Variants in SUGCT observed in about 807,000 individuals in gnomAD.
The protein encoded by SUGCT is succinyl-CoA:glutarate-CoA transferase.
In SUGCT, 41 loss-of-function variants were observed where a neutral mutation model predicts 55.0. The observed-to-expected ratio is 0.74, with a 90% confidence interval of 0.58 to 0.97. The LOEUF is 0.97. Ranked by LOEUF, SUGCT falls within the 50% of genes least tolerant of loss-of-function variation. The probability of loss-of-function intolerance (pLI) is 0.00; values close to 1 mark genes in which losing one functional copy is unlikely to be tolerated. For missense variants in SUGCT, 568 were observed against 547.8 expected, an observed-to-expected ratio of 1.04 and a Z score of -0.37; for synonymous variants, 187 against 200.4, an observed-to-expected ratio of 0.93 and a Z score of 0.56.
rs146886553 is a variant in SUGCT at position 40,445,430 on chromosome 7, C to T, written c.817-3857C>T. 5.3e-3 allele frequency among the ~76,000 whole-genome samples: 804 copies of T among 152,226 alleles called. 35 individuals are homozygous for T. The East Asian group carries it at 0.08, about 15-fold the overall frequency. On this transcript the variant is annotated intron_variant, in intron 9 of 13. Coordinates refer to ENST00000335693, the MANE Select transcript of SUGCT (RefSeq NM_001193313.2). Reference sequence around the variant, plus strand: ...GGATAAATTCCTGGACACATACACCCTCCCAAGACTAAACCAGGAAGAAGT... The same window carrying T: ...GGATAAATTCCTGGACACATACACCTTCCCAAGACTAAACCAGGAAGAAGT...
At chr7:40,780,525 C>T (rs1584430980) in intron 13 of SUGCT, among the ~76,000 whole-genome samples, 1 of 152,184 alleles carries the variant, frequency 6.6e-6, no homozygotes, top group African/African-American at 2.4e-5. Flanking sequence ...TTATGGAATC[C>T]ACAGGGGCTA....
intron 13 of SUGCT, among the ~76,000 whole-genome samples, chr7:40,795,497 A>T (rs1790507925): frequency 2.0e-5 from 3 of 152,208 alleles, no homozygotes; most frequent in Non-Finnish European, 4.4e-5. Flanking sequence ...CACGAAAAAG[A>T]ACTTCTAGAA....
chr7:41,022,082 C>A, the SUGCT span, among the ~76,000 whole-genome samples: 1 of 151,972 alleles, frequency 6.6e-6, no homozygotes, highest in Non-Finnish European at 1.5e-5. Context: ...TTAAAGTAAT[C>A]AGTTCTGAGA....
At chr7:40,815,777 A>C (rs1174897174) in intron 13 of SUGCT, among the ~76,000 whole-genome samples, 1 of 151,696 alleles carries the variant, frequency 6.6e-6, no homozygotes, top group Admixed American at 6.6e-5. Flanking sequence ...CACAGGAAGG[A>C]TGGGGCATGT....
At chr7:40,227,294 C>T (rs1788434612) in intron 6 of SUGCT, among the ~76,000 whole-genome samples, 1 of 151,912 alleles carries the variant, frequency 6.6e-6, no homozygotes, top group African/African-American at 2.4e-5. Context: ...AGTGATCCAC[C>T]CCCGCTTGGC....
At chr7:40,974,833 C>G in the SUGCT span, among the ~76,000 whole-genome samples, 21 of 152,136 alleles carry the variant, frequency 1.4e-4, no homozygotes. Flanking sequence ...AGTTTTCATT[C>G]TTATCTATAA....
chr7:40,786,332 TATAAG>T (rs1222151393), intron 13 of SUGCT, among the ~76,000 whole-genome samples: 5 of 152,342 alleles, frequency 3.3e-5, no homozygotes, highest in Non-Finnish European at 7.3e-5. Context: ...GATTATTTTC[TATAAG>T]ATATGTGTTA....
chr7:40,383,098 T>C (rs537554911), intron 9 of SUGCT, among the ~76,000 whole-genome samples: 5 of 152,198 alleles, frequency 3.3e-5, no homozygotes, highest in Admixed American at 2.6e-4. Context: ...GATGTAGTCA[T>C]GGCCCTCTGG....
At chr7:40,315,664 G>A (rs1051469961) in intron 8 of SUGCT, among the ~76,000 whole-genome samples, 6 of 152,198 alleles carry the variant, frequency 3.9e-5, no homozygotes, top group African/African-American at 1.4e-4. Flanking sequence ...GCAAGAAAAG[G>A]CCTGAAAAAT....
intron 11 of SUGCT, among the ~76,000 whole-genome samples, chr7:40,489,517 C>T (rs867335074): frequency 6.6e-6 from 1 of 151,940 alleles, no homozygotes; most frequent in African/African-American, 2.4e-5. Context: ...CCCATCTCTA[C>T]TAAAAATACA....
At chr7:40,191,307 G>A (rs899814766) in intron 5 of SUGCT, among the ~76,000 whole-genome samples, 2 of 151,992 alleles carry the variant, frequency 1.3e-5, no homozygotes, top group African/African-American at 2.4e-5. Flanking sequence ...GTGAGCTACC[G>A]CGCCTGGCCT....
At chr7:40,935,016 G>A in the SUGCT span, among the ~76,000 whole-genome samples, 1 of 152,152 alleles carries the variant, frequency 6.6e-6, no homozygotes, top group Non-Finnish European at 1.5e-5. Flanking sequence ...ATCATGCTGG[G>A]AGCTGCAGAA....
chr7:40,189,550 G>A lies in SUGCT; in HGVS notation c.319G>A (p.Ala107Thr). 2.3e-6 allele frequency: 3 copies of A among 1,287,586 alleles called. No homozygotes were observed. Among genetic ancestry groups the A allele is most frequent in the Non-Finnish European group, 3.1e-6 (3 of 975,756 alleles). The allele number at this position is 1,287,586 out of a possible 1,614,324, so 79.8% of individuals were successfully genotyped here. ...TATATTTTTTAATTTTTAGAGTATTGCTGTTAATATCAAGGATCCAAAAGG... is the reference window on the plus strand; with the variant it reads ...TATATTTTTTAATTTTTAGAGTATTACTGTTAATATCAAGGATCCAAAAGG... ...LSVNRNKKSIAVNIKDPKGVK... is the reference protein window; with the variant it reads ...LSVNRNKKSITVNIKDPKGVK... The change falls in exon 5 of 14, where the codon GCT (alanine) becomes ACT (threonine). Residue 107 changes from alanine to threonine, a missense_variant. Coordinates refer to ENST00000335693, the MANE Select transcript of SUGCT (RefSeq NM_001193313.2).
chr7:40,825,832 G>A (rs1300439994), intron 13 of SUGCT, among the ~76,000 whole-genome samples: 6 of 152,064 alleles, frequency 3.9e-5, no homozygotes, highest in African/African-American at 1.4e-4. Flanking sequence ...AGCCCCCATG[G>A]CATAGAAACT....
intron 9 of SUGCT, among the ~76,000 whole-genome samples, chr7:40,333,358 C>T (rs923677682): frequency 1.3e-5 from 2 of 151,540 alleles, no homozygotes; most frequent in Non-Finnish European, 2.9e-5. Flanking sequence ...ATTTAGTGGC[C>T]GGGCGTGGTG....
chr7:40,636,421 AT>A (rs1800023067), intron 12 of SUGCT, among the ~76,000 whole-genome samples: 1 of 152,248 alleles, frequency 6.6e-6, no homozygotes, highest in Admixed American at 6.5e-5. Context: ...TGAGCCTGCA[AT>A]TTACCCAGTG....
intron 6 of SUGCT, among the ~76,000 whole-genome samples, chr7:40,198,776 C>T (rs1166326957): frequency 6.6e-6 from 1 of 151,248 alleles, no homozygotes; most frequent in Non-Finnish European, 1.5e-5. Context: ...GCGGGCGGAT[C>T]ACCTGAGGTC....
chr7:40,907,577 GTGTTATTACTCTTCCCATTTCACAGC>G, the SUGCT span, among the ~76,000 whole-genome samples: 1 of 152,146 alleles, frequency 6.6e-6, no homozygotes, highest in Non-Finnish European at 1.5e-5. Flanking sequence ...TATGAAGTAG[GTGTTATTACTCTTCCCATTTCACAGC>G]TGAAAAAACT....
intron 9 of SUGCT, among the ~76,000 whole-genome samples, chr7:40,320,427 C>A (rs1189534656): frequency 6.6e-6 from 1 of 151,938 alleles, no homozygotes; most frequent in African/African-American, 2.4e-5. Context: ...TGTTTCCCAG[C>A]CCTTAAACAA....
Sources: gnomAD v4.1 joint callset for allele counts (sites outside exome capture counted in the v4.1 genomes callset) on GRCh38, gnomAD v4.1.1 for gene constraint, MANE v1.5 for transcripts, NCBI Gene and HGNC (gene_info 2026-07-23, HGNC 2026-07-21) for gene names.